MAP3K5: variants seen among roughly 807,000 people sequenced by gnomAD.
MAP3K5 encodes the protein ASK-1.
A neutral mutation model predicts 158.7 loss-of-function variants in MAP3K5; 56 were observed. That is an observed-to-expected ratio of 0.35 (90% confidence interval 0.28 to 0.44). The LOEUF (loss-of-function observed/expected upper bound fraction) is 0.44, where lower values mean the gene tolerates loss of function less well. Ranked by LOEUF, MAP3K5 falls within the 20% of genes least tolerant of loss-of-function variation. The probability of loss-of-function intolerance (pLI) is 1.00; values close to 1 mark genes in which losing one functional copy is unlikely to be tolerated. For synonymous variants in MAP3K5, 579 were observed against 601.7 expected, an observed-to-expected ratio of 0.96 and a Z score of 0.55; for missense variants, 1,294 against 1,674.8, an observed-to-expected ratio of 0.77 and a Z score of 3.97.
Position 136,561,566 on chromosome 6 carries a change from T to G in MAP3K5, c.3954A>C (p.Arg1318Ser). The G allele has an allele frequency of 6.2e-7, 1 of 1,613,844 alleles. No homozygotes were observed. The highest frequency in any genetic ancestry group is 8.5e-7 in the Non-Finnish European group (1 of 1,179,686). The part of the protein sequence containing the change: ...TEDSELTDWL[R>S]VNGADEDTIS... Reference sequence around the variant, plus strand: ...TAGTGTCTTCATCAGCTCCATTCACTCTCAGCCAGTCGGTAAGTTCAGAAT... The same window carrying G: ...TAGTGTCTTCATCAGCTCCATTCACGCTCAGCCAGTCGGTAAGTTCAGAAT... Residue 1318 changes from arginine (R) to serine (S), a missense_variant, in exon 28 of 30, where the codon AGA becomes AGC. Physicochemically the swap from Arg to Ser is moderately radical, Grantham distance 110. Around this residue, in one of 5 missense-constraint regions of MAP3K5, gnomAD observed 199 missense variants for 220.3 expected, o/e 0.90. Coordinates refer to ENST00000359015, the MANE Select transcript of MAP3K5 (RefSeq NM_005923.4).
At chr6:136,678,144 C>T (rs1779783470) in intron 7 of MAP3K5, among the ~76,000 whole-genome samples, 1 of 151,888 alleles carries the variant, frequency 6.6e-6, no homozygotes, top group South Asian at 2.1e-4. Context: ...TCATTATTTT[C>T]TGGGTTTTTT....
chr6:136,680,422 T>C (rs1779884047), intron 7 of MAP3K5, among the ~76,000 whole-genome samples: 2 of 152,242 alleles, frequency 1.3e-5, no homozygotes, highest in South Asian at 2.1e-4. Flanking sequence ...ACAACTTATC[T>C]ATTTTTGGAT....
chr6:136,607,976 G>T (rs1776171344), intron 18 of MAP3K5, among the ~76,000 whole-genome samples: 1 of 152,174 alleles, frequency 6.6e-6, no homozygotes, highest in African/African-American at 2.4e-5. Context: ...ATGGTAAATA[G>T]GGTGTTCATG....
chr6:136,774,318 G>A (rs1185697252), intron 1 of MAP3K5, among the ~76,000 whole-genome samples: 3 of 152,146 alleles, frequency 2.0e-5, no homozygotes, highest in African/African-American at 7.2e-5. Flanking sequence ...AGCCAGCATG[G>A]TGGCACACAC....
chr6:136,699,832 G>A (rs1300401508), intron 3 of MAP3K5, among the ~76,000 whole-genome samples: 3 of 152,208 alleles, frequency 2.0e-5, no homozygotes, highest in African/African-American at 7.2e-5. Context: ...GATGGCTCAC[G>A]CCTGTAATCC....
rs375079024 is a variant in MAP3K5, at chr6:136,592,386, T to C, written c.3057-45A>G. ...ATAAATCACAGTTCCCTTTATAAAA[T>C]GACACACTTAACAACACACTTCTCT... On this transcript the variant is annotated intron_variant, in intron 22 of 29. Transcript: ENST00000359015. 161 of 1,598,164 alleles carry C rather than the reference T, an allele frequency of 1.0e-4. 2 individuals carry two copies. Among genetic ancestry groups the C allele is most frequent in the South Asian group, 2.7e-4 (24 of 89,110 alleles).
Position 136,592,227 on chromosome 6 carries a change from G to C in MAP3K5, c.3171C>G (p.Ile1057Met), listed in dbSNP as rs368851337. The C allele has an allele frequency of 4.3e-6, 7 of 1,609,452 alleles. No homozygotes were observed. Among genetic ancestry groups the C allele is most frequent in the Non-Finnish European group, 5.9e-6 (7 of 1,178,224 alleles). Reference sequence around the variant, plus strand: ...CAATTTTGTCTTGGTCTTCCGTCAGGATCCTGTGAAGGGTAGCTCGCCTCT... The same window carrying C: ...CAATTTTGTCTTGGTCTTCCGTCAGCATCCTGTGAAGGGTAGCTCGCCTCT... The part of the protein sequence containing the change: ...DSERRATLHR[I>M]LTEDQDKIVR... The change falls in exon 23 of 30, where the codon ATC becomes ATG. Residue 1057 changes from isoleucine (I) to methionine (M), a missense_variant. Ile to Met is a conservative substitution (Grantham distance 10). This residue lies in a region of MAP3K5 where 362 missense variants were observed against 463.2 expected (regional missense o/e 0.78). Coordinates refer to ENST00000359015, the MANE Select transcript of MAP3K5 (RefSeq NM_005923.4).
intron 9 of MAP3K5, among the ~76,000 whole-genome samples, chr6:136,658,372 T>C (rs1778858225): frequency 1.4e-5 from 2 of 140,710 alleles, no homozygotes; most frequent in Admixed American, 1.6e-4. Context: ...TGAAATGCAG[T>C]GGCGCAATCT....
chr6:136,569,255 TGTG>T (rs1424552296), intron 25 of MAP3K5, among the ~76,000 whole-genome samples: 1 of 152,202 alleles, frequency 6.6e-6, no homozygotes, highest in Non-Finnish European at 1.5e-5. Context: ...AGTCATCACT[TGTG>T]GGGGAAATCT....
intron 1 of MAP3K5, among the ~76,000 whole-genome samples, chr6:136,784,154 C>A (rs532530016): frequency 6.6e-6 from 1 of 152,076 alleles, no homozygotes; most frequent in Non-Finnish European, 1.5e-5. Context: ...GGAACCAGCT[C>A]GAACTACCAA....
At chr6:136,628,345 T>A (rs1777142099) in intron 14 of MAP3K5, among the ~76,000 whole-genome samples, 1 of 152,064 alleles carries the variant, frequency 6.6e-6, no homozygotes, top group Non-Finnish European at 1.5e-5. Context: ...ACTCCTGGCC[T>A]CAACTGATCC....
At chr6:136,669,024 A>G (rs1779353141) in intron 8 of MAP3K5, among the ~76,000 whole-genome samples, 1 of 152,208 alleles carries the variant, frequency 6.6e-6, no homozygotes, top group Admixed American at 6.5e-5. Flanking sequence ...TATCCTCAAT[A>G]TTAGTTTGAG....
chr6:136,642,015 TAAATAAAATAAAATA>T (rs377615415), intron 12 of MAP3K5, among the ~76,000 whole-genome samples: 21 of 110,570 alleles, frequency 1.9e-4, no homozygotes, highest in Non-Finnish European at 2.0e-4. Context: ...TAAAATAAAA[TAAATAAAATAAAATA>T]AAAATAAAAT....
chr6:136,593,059 G>A (rs1032863327), intron 21 of MAP3K5, among the ~76,000 whole-genome samples: 5 of 152,196 alleles, frequency 3.3e-5, no homozygotes, highest in Non-Finnish European at 7.3e-5. Context: ...GGATGAGTGA[G>A]TGGGATGCTG....
chr6:136,712,650 C>A (rs1392010597), intron 2 of MAP3K5, among the ~76,000 whole-genome samples: 1 of 152,152 alleles, frequency 6.6e-6, no homozygotes, highest in Admixed American at 6.5e-5. Context: ...TACAGTAAAT[C>A]ATACTTTACA....
chr6:136,749,857 C>T (rs539401872), intron 1 of MAP3K5, among the ~76,000 whole-genome samples: 1 of 152,272 alleles, frequency 6.6e-6, no homozygotes, highest in South Asian at 2.1e-4. Flanking sequence ...GCAGGCTGTG[C>T]TTTGCAACAC....
chr6:136,627,262 G>A (rs983670691), intron 14 of MAP3K5, among the ~76,000 whole-genome samples: 1 of 151,152 alleles, frequency 6.6e-6, no homozygotes, highest in Non-Finnish European at 1.5e-5. Context: ...AAGTAGCACA[G>A]AAGAAAAGCA....
intron 8 of MAP3K5, among the ~76,000 whole-genome samples, chr6:136,666,430 A>C (rs1428135975): frequency 6.6e-6 from 1 of 152,214 alleles, no homozygotes; most frequent in East Asian, 1.9e-4. Flanking sequence ...ATGTCTGGTT[A>C]TTATAAGAAC....
At chr6:136,623,652 GTAGAGA>G (rs1776909107) in intron 14 of MAP3K5, among the ~76,000 whole-genome samples, 2 of 152,200 alleles carry the variant, frequency 1.3e-5, no homozygotes, top group African/African-American at 4.8e-5. Context: ...AAAGGATTCA[GTAGAGA>G]CCTCCTCAGA....
Sources: gnomAD v4.1 joint callset for allele counts (sites outside exome capture counted in the v4.1 genomes callset) on GRCh38, gnomAD v4.1.1 for gene constraint, gnomAD v4.1.1 regional missense constraint, MANE v1.5 for transcripts, NCBI Gene and HGNC (gene_info 2026-07-23, HGNC 2026-07-21) for gene names.